Variants in KHDRBS1 observed in about 807,000 individuals in gnomAD.
KHDRBS1 encodes KH domain-containing, RNA-binding, signal transduction-associated protein 1.
KHDRBS1 carries 7 observed loss-of-function variants against 48.4 expected under a neutral mutation model. That is an observed-to-expected ratio of 0.14 (90% CI 0.08 to 0.27). The LOEUF (loss-of-function observed/expected upper bound fraction) is 0.27, where lower values mean the gene tolerates loss of function less well. Among genes scored for constraint, KHDRBS1 ranks in the 10% least tolerant of loss-of-function variants. KHDRBS1 has a pLI of 1.00. For synonymous variants in KHDRBS1, 241 were observed against 235.8 expected, an observed-to-expected ratio of 1.02 and a Z score of -0.20; for missense variants, 458 against 601.2, an observed-to-expected ratio of 0.76 and a Z score of 2.49.
chr1:32,017,850 G>A (rs535219654), intron 1 of KHDRBS1, among the ~76,000 whole-genome samples: 1 of 151,764 alleles, frequency 6.6e-6, no homozygotes, highest in South Asian at 2.1e-4. Flanking sequence ...CAGGTGATCC[G>A]CCTGCCTCGG....
At position 32,024,072 on chromosome 1, in the gene KHDRBS1, T is replaced by G. The variant is rs556270457; in HGVS notation, c.383-6226T>G. Among the ~76,000 whole-genome samples the G allele has an allele frequency of 1.8e-4, 27 of 152,156 alleles. 1 individual carries two copies. The highest frequency in any genetic ancestry group is 1.4e-3 in the South Asian group (7 of 4,830). On this transcript the variant is annotated intron_variant, in intron 1 of 8. Coordinates refer to ENST00000327300, the MANE Select transcript of KHDRBS1 (RefSeq NM_006559.3). Reference sequence around the variant, plus strand: ...TTGAAGACCAGCCTGGCCAACATGGTGAAACCTTTTTTCTACTAAAAATAC... The same window carrying G: ...TTGAAGACCAGCCTGGCCAACATGGGGAAACCTTTTTTCTACTAAAAATAC...
intron 5 of KHDRBS1, 142 bp downstream of exon 5, chr1:32,037,185 C>T: frequency 1.1e-6 from 1 of 917,686 alleles, no homozygotes; most frequent in Non-Finnish European, 1.6e-6. Flanking sequence ...CAACCATACT[C>T]TCACACCTGT....
rs550511241 is a variant in KHDRBS1 at position 32,017,349 on chromosome 1, C to T, written c.382+2972C>T. Among the ~76,000 whole-genome samples the T allele has an allele frequency of 1.6e-4, 24 of 151,842 alleles. No homozygotes were observed. In the South Asian group the frequency reaches 1.9e-3, roughly 12 times the overall value. On this transcript the variant is annotated intron_variant, in intron 1 of 8. Coordinates refer to ENST00000327300, the MANE Select transcript of KHDRBS1 (RefSeq NM_006559.3). Reference sequence around the variant, plus strand: ...ATTGATATTCAGCTGTGATGACTGTCGAATGTATCTGCAGACATAAGGATT... The same window carrying T: ...ATTGATATTCAGCTGTGATGACTGTTGAATGTATCTGCAGACATAAGGATT...
chr1:32,025,295 T>C (rs1484836004), intron 1 of KHDRBS1, among the ~76,000 whole-genome samples: 1 of 128,160 alleles, frequency 7.8e-6, no homozygotes, highest in Non-Finnish European at 1.7e-5. Flanking sequence ...GCTCCTCCTT[T>C]TTTTTTTTTT....
intron 2 of KHDRBS1, among the ~76,000 whole-genome samples, chr1:32,030,645 A>T (rs1459712875): frequency 6.6e-6 from 1 of 152,210 alleles, no homozygotes; most frequent in Non-Finnish European, 1.5e-5. Flanking sequence ...TTTTATTATC[A>T]AAAAGTTTCT....
At chr1:32,038,490 T>C in intron 6 of KHDRBS1, 62 bp from the exon 7 acceptor site, 1 of 1,535,112 alleles carries the variant, frequency 6.5e-7, no homozygotes, top group Non-Finnish European at 8.9e-7. Context: ...GGGATGTAAT[T>C]ACCTTTCCTA....
At chr1:32,060,075 A>G (rs1043995893) in intron 10 of KHDRBS1, 2 of 152,212 alleles carry the variant, frequency 1.3e-5, no homozygotes, top group East Asian at 1.9e-4. Context: ...GGATGGGGCA[A>G]TTGTGAGGGA....
intron 4 of KHDRBS1, among the ~76,000 whole-genome samples, chr1:32,036,226 C>T (rs1317882897): frequency 7.5e-6 from 1 of 132,796 alleles, no homozygotes; most frequent in African/African-American, 2.9e-5. Flanking sequence ...GGCCGGACTG[C>T]AGTGGCGCTA....
At chr1:32,028,964 G>A (rs1639029530) in intron 1 of KHDRBS1, among the ~76,000 whole-genome samples, 1 of 152,090 alleles carries the variant, frequency 6.6e-6, no homozygotes, top group South Asian at 2.1e-4. Context: ...AAACAGTGAA[G>A]ACAAGAGACC....
rs184603606 is a variant in KHDRBS1, at chr1:32,042,891, T to C, written c.*267T>C. 3.0e-4 allele frequency: 72 copies of C among 242,250 alleles called. No individual in the cohort carries two copies. The highest frequency in any genetic ancestry group is 7.9e-6 in the Non-Finnish European group (1 of 126,562). The allele number at this position is 242,250 out of a possible 1,614,324, so 15.0% of individuals were successfully genotyped here. On this transcript the variant is annotated 3_prime_UTR_variant, in exon 9 of 9. Coordinates refer to ENST00000327300, the MANE Select transcript of KHDRBS1 (RefSeq NM_006559.3). ...GATGCTTTTTTCTTTGTTGTTTAAA[T>C]ATAAACAGAAGTGTACCTTTTATAA...
Position 32,030,320 on chromosome 1 carries a change from A to G in KHDRBS1, c.405A>G (p.Gly135=). ...LTAEIEKIQK[G]DSKKDDEENY... ...CAGAAATTGAGAAGATTCAGAAAGG[A>G]GACTCAAAAAAGGATGATGAGGAGA... Residue 135 remains glycine (G), a synonymous_variant, in exon 2 of 9, where the codon GGA becomes GGG. Coordinates refer to ENST00000327300, the MANE Select transcript of KHDRBS1 (RefSeq NM_006559.3). 6.2e-7 allele frequency: 1 copy of G among 1,607,280 alleles called. No individual in the cohort carries two copies. The highest frequency in any genetic ancestry group is 8.5e-7 in the Non-Finnish European group (1 of 1,177,542).
At chr1:32,019,838 C>T (rs958005984) in intron 1 of KHDRBS1, among the ~76,000 whole-genome samples, 1 of 152,138 alleles carries the variant, frequency 6.6e-6, no homozygotes, top group Non-Finnish European at 1.5e-5. Context: ...GTGGCGCGAT[C>T]TTGGCTGACT....
At chr1:32,037,187 C>G (rs1282861551) in intron 5 of KHDRBS1, 144 bp downstream of exon 5, 18 of 909,870 alleles carry the variant, frequency 2.0e-5, no homozygotes, top group Non-Finnish European at 2.9e-5. Context: ...ACCATACTCT[C>G]ACACCTGTAA....
chr1:32,016,629 C>A (rs962047119), intron 1 of KHDRBS1, among the ~76,000 whole-genome samples: 5 of 152,158 alleles, frequency 3.3e-5, no homozygotes, highest in Non-Finnish European at 7.3e-5. Flanking sequence ...ACTGTGGCTC[C>A]TCCAGGCACC....
chr1:32,054,273 G>A (rs1434043972), intron 10 of KHDRBS1, among the ~76,000 whole-genome samples: 1 of 152,148 alleles, frequency 6.6e-6, no homozygotes, highest in Non-Finnish European at 1.5e-5. Flanking sequence ...TACCGGCAAG[G>A]TAGGGAAAAT....
At chr1:32,047,613 C>T (rs1299818619), downstream of KHDRBS1, among the ~76,000 whole-genome samples, 2 of 152,162 alleles carry the variant, frequency 1.3e-5, no homozygotes, top group African/African-American at 4.8e-5. Flanking sequence ...GATGATAATA[C>T]CTGACATTTA....
At chr1:32,024,366 G>A (rs952221164) in intron 1 of KHDRBS1, among the ~76,000 whole-genome samples, 2 of 152,062 alleles carry the variant, frequency 1.3e-5, no homozygotes, top group African/African-American at 4.8e-5. Flanking sequence ...CTGGAATGCA[G>A]TGGCGCCCAT....
intron 4 of KHDRBS1, among the ~76,000 whole-genome samples, chr1:32,036,270 C>G (rs545801521): frequency 4.2e-5 from 6 of 142,196 alleles, no homozygotes; most frequent in South Asian, 4.4e-4. Flanking sequence ...CTCCCGGGTT[C>G]TCGCCATTCT....
chr1:32,059,477 C>G (rs1022306077), intron 10 of KHDRBS1, among the ~76,000 whole-genome samples: 1 of 151,256 alleles, frequency 6.6e-6, no homozygotes, highest in Non-Finnish European at 1.5e-5. Context: ...GAGATCAAGG[C>G]TGAAGTGAGC....
Sources: gnomAD v4.1 joint callset for allele counts (sites outside exome capture counted in the v4.1 genomes callset) on GRCh38, gnomAD v4.1.1 for gene constraint, MANE v1.5 for transcripts, NCBI Gene and HGNC (gene_info 2026-07-23, HGNC 2026-07-21) for gene names.